Variants in TPTE observed in about 807,000 individuals in gnomAD.
TPTE encodes the protein putative tyrosine-protein phosphatase TPTE.
Under a neutral mutation model 84.1 loss-of-function variants are expected in TPTE, and 59 were observed. The observed-to-expected ratio is 0.70, with a 90% CI of 0.57 to 0.87. The LOEUF is 0.87. Ranked by LOEUF, TPTE falls within the 40% of genes least tolerant of loss-of-function variation. The pLI is 0.00. For synonymous variants in TPTE, 130 were observed against 223.5 expected, an observed-to-expected ratio of 0.58 and a Z score of 3.73; for missense variants, 382 against 659.6, an observed-to-expected ratio of 0.58 and a Z score of 4.61.
At chr21:10,522,095 C>T (rs1452780599) in intron 1 of TPTE, among the ~76,000 whole-genome samples, 39 of 152,168 alleles carry the variant, frequency 2.6e-4, no homozygotes, top group Admixed American at 2.6e-3. Context: ...CCGCCCGGTC[C>T]TGCGGAGGCT....
chr21:10,596,777 G>A (rs1253933194), intron 20 of TPTE, among the ~76,000 whole-genome samples: 1 of 152,310 alleles, frequency 6.6e-6, no homozygotes, highest in Admixed American at 6.5e-5. Flanking sequence ...AGGTGCCATG[G>A]GGCCAGGATG....
chr21:10,522,138 T>G (rs1430199910), intron 1 of TPTE, among the ~76,000 whole-genome samples: 1 of 152,246 alleles, frequency 6.6e-6, no homozygotes, highest in Admixed American at 6.5e-5. Flanking sequence ...CGGCTCTCGT[T>G]GTCTTGTCCC....
chr21:10,550,122 A>G (rs568499619), intron 7 of TPTE, among the ~76,000 whole-genome samples: 1 of 152,310 alleles, frequency 6.6e-6, no homozygotes, highest in African/African-American at 2.4e-5. Context: ...AAAAACCAAG[A>G]TAATTCATCA....
intron 21 of TPTE, among the ~76,000 whole-genome samples, chr21:10,599,511 C>G (rs1359160845): frequency 6.6e-6 from 1 of 152,312 alleles, no homozygotes; most frequent in Non-Finnish European, 1.5e-5. Context: ...AATATCACAT[C>G]TCAAGTGTAA....
chr21:10,553,718 G>A (rs2074624910), intron 8 of TPTE, among the ~76,000 whole-genome samples: 1 of 152,308 alleles, frequency 6.6e-6, no homozygotes, highest in African/African-American at 2.4e-5. Flanking sequence ...GATGATATTG[G>A]ATTTATAGTA....
At chr21:10,603,965 C>T (rs1466387134) in intron 23 of TPTE, among the ~76,000 whole-genome samples, 2 of 152,296 alleles carry the variant, frequency 1.3e-5, no homozygotes, top group African/African-American at 4.8e-5. Context: ...ATGTCAGGTC[C>T]CTGTCAGTAG....
intron 13 of TPTE, 60 bp from the exon 14 acceptor site, chr21:10,570,425 T>C: frequency 6.2e-7 from 1 of 1,611,406 alleles, no homozygotes; most frequent in Non-Finnish European, 8.5e-7. Flanking sequence ...AAATTAATTT[T>C]TTTGTATGTT....
chr21:10,544,726 G>A (rs1196247370), intron 7 of TPTE, among the ~76,000 whole-genome samples: 1 of 152,304 alleles, frequency 6.6e-6, no homozygotes, highest in Non-Finnish European at 1.5e-5. Context: ...CCTATCTGAG[G>A]GGCAGGAAAG....
At chr21:10,522,495 G>C (rs2074000337) in intron 1 of TPTE, among the ~76,000 whole-genome samples, 1 of 152,310 alleles carries the variant, frequency 6.6e-6, no homozygotes, top group Non-Finnish European at 1.5e-5. Flanking sequence ...GCGATGCCCC[G>C]GGAAGGGCTG....
At chr21:10,575,000 A>G (rs1262356959) in intron 14 of TPTE, among the ~76,000 whole-genome samples, 3 of 152,426 alleles carry the variant, frequency 2.0e-5, no homozygotes, top group Non-Finnish European at 2.9e-5. Flanking sequence ...AGGCAGCATC[A>G]TTCTGCAGGC....
At chr21:10,573,957 C>A (rs1402149829) in intron 14 of TPTE, among the ~76,000 whole-genome samples, 2 of 152,308 alleles carry the variant, frequency 1.3e-5, no homozygotes, top group African/African-American at 4.8e-5. Flanking sequence ...ATTACACTAC[C>A]AGTCTGGATT....
chr21:10,536,709 G>A (rs1462251335), intron 3 of TPTE, among the ~76,000 whole-genome samples: 1 of 152,304 alleles, frequency 6.6e-6, no homozygotes, highest in African/African-American at 2.4e-5. Flanking sequence ...CTAACTATAG[G>A]CCCTGCAGGC....
chr21:10,536,029 G>A (rs1280441722), intron 3 of TPTE, among the ~76,000 whole-genome samples: 1 of 152,308 alleles, frequency 6.6e-6, no homozygotes, highest in Non-Finnish European at 1.5e-5. Flanking sequence ...TGTAATCCCA[G>A]CACTTTGGGA....
chr21:10,596,254 G>A (rs1162296230), intron 20 of TPTE, among the ~76,000 whole-genome samples, 167 bp downstream of exon 20: 2 of 152,296 alleles, frequency 1.3e-5, no homozygotes, highest in African/African-American at 2.4e-5. Flanking sequence ...TCCTGCAATT[G>A]CCCATTGATT....
chr21:10,577,833 T>C (rs1221585093), intron 15 of TPTE, among the ~76,000 whole-genome samples: 1 of 152,312 alleles, frequency 6.6e-6, no homozygotes, highest in Non-Finnish European at 1.5e-5. Context: ...CAGATTGTGT[T>C]ATGAGGACAT....
intron 14 of TPTE, among the ~76,000 whole-genome samples, chr21:10,571,439 TA>T (rs1329805364): frequency 3.6e-4 from 55 of 152,294 alleles, no homozygotes; most frequent in African/African-American, 1.3e-3. Flanking sequence ...TTTAGGGCCA[TA>T]AGAAACGTGA....
At chr21:10,603,768 T>C in intron 23 of TPTE, 136 bp downstream of exon 23, 1 of 1,133,030 alleles carries the variant, frequency 8.8e-7, no homozygotes, top group Non-Finnish European at 1.3e-6. Context: ...CCATTGTTCC[T>C]TGCCTTACTC....
At chr21:10,539,397 A>G (rs1416923822) in intron 4 of TPTE, among the ~76,000 whole-genome samples, 3 of 152,428 alleles carry the variant, frequency 2.0e-5, no homozygotes, top group East Asian at 1.9e-4. Flanking sequence ...CCTGTGTCCC[A>G]TGGACAGGAA....
At chr21:10,530,321 A>C (rs1468481534) in intron 3 of TPTE, among the ~76,000 whole-genome samples, 2 of 152,310 alleles carry the variant, frequency 1.3e-5, no homozygotes, top group Non-Finnish European at 2.9e-5. Context: ...ACATATTGAC[A>C]TATACAGATA....
Sources: gnomAD v4.1 joint callset for allele counts (sites outside exome capture counted in the v4.1 genomes callset) on GRCh38, gnomAD v4.1.1 for gene constraint, MANE v1.5 for transcripts, NCBI Gene and HGNC (gene_info 2026-07-23, HGNC 2026-07-21) for gene names.